Variants in PDE1C observed in about 807,000 individuals in gnomAD.
PDE1C encodes the protein dual specificity calcium/calmodulin-dependent 3',5'-cyclic nucleotide phosphodiesterase 1C.
PDE1C carries 62 observed loss-of-function variants against 93.1 expected under a neutral mutation model. The ratio of observed to expected loss-of-function variants is 0.67; its 90% CI spans 0.54 to 0.82. The LOEUF (loss-of-function observed/expected upper bound fraction) is 0.82. PDE1C is among the 40% of genes least tolerant of loss of function. The probability of loss-of-function intolerance (pLI) is 0.00; values close to 1 mark genes in which losing one functional copy is unlikely to be tolerated. For missense variants in PDE1C, 742 were observed against 884.6 expected, an observed-to-expected ratio of 0.84 and a Z score of 2.04; for synonymous variants, 325 against 310.1, an observed-to-expected ratio of 1.05 and a Z score of -0.50.
chr7:32,299,205 T>C (rs889816704), exon 1 of PDE1C: 1 of 990,560 alleles, frequency 1.0e-6, no homozygotes, highest in African/African-American at 1.7e-5. Context: ...TGAATTGGCG[T>C]CGTGCGTCTT....
At chr7:32,409,536 G>A (rs1397590630) in intron 1 of PDE1C, among the ~76,000 whole-genome samples, 1 of 151,966 alleles carries the variant, frequency 6.6e-6, no homozygotes, top group Non-Finnish European at 1.5e-5. Flanking sequence ...GAATGCAACA[G>A]AACATTAAAG....
intron 16 of PDE1C, among the ~76,000 whole-genome samples, chr7:31,794,069 C>T (rs13230508): frequency 0.014 from 1,907 of 133,252 alleles, 19 homozygotes; most frequent in South Asian, 0.022. Flanking sequence ...GACAGACAGA[C>T]AGACAGACAG....
chr7:31,642,160 C>T, the PDE1C span: 2 of 1,547,954 alleles, frequency 1.3e-6, no homozygotes, highest in Non-Finnish European at 1.7e-6. Context: ...ACCTCAAGAC[C>T]TCTTTCATTC....
intron 1 of PDE1C, among the ~76,000 whole-genome samples, chr7:32,339,292 A>T (rs866361058): frequency 2.0e-5 from 3 of 152,326 alleles, no homozygotes; most frequent in Middle Eastern, 3.4e-3. Flanking sequence ...TTATACGATG[A>T]GCCTAGAGTA....
intron 17 of PDE1C, among the ~76,000 whole-genome samples, chr7:31,760,759 T>TACACACACACAC (rs10573498): frequency 3.8e-4 from 56 of 148,690 alleles, no homozygotes; most frequent in East Asian, 2.6e-3. Flanking sequence ...CTGCAATGTG[T>TACACACACACAC]ACACACACAC....
chr7:32,293,031 C>T (rs1407765278), intron 1 of PDE1C, among the ~76,000 whole-genome samples: 6 of 152,164 alleles, frequency 3.9e-5, no homozygotes, highest in Admixed American at 3.3e-4. Context: ...AGCCACAAAC[C>T]CTGGGGATCA....
the PDE1C span, among the ~76,000 whole-genome samples, chr7:31,638,452 C>G: frequency 1.3e-5 from 2 of 152,134 alleles, no homozygotes; most frequent in Non-Finnish European, 2.9e-5. Flanking sequence ...TTTATAATAA[C>G]AGGTGTTTAT....
intron 2 of PDE1C, among the ~76,000 whole-genome samples, chr7:31,910,862 A>G (rs1356952149): frequency 6.6e-6 from 1 of 152,218 alleles, no homozygotes; most frequent in Non-Finnish European, 1.5e-5. Context: ...CCACGTAAAC[A>G]CCAGAAGAGT....
At chr7:31,675,597 G>T in the PDE1C span, among the ~76,000 whole-genome samples, 4 of 152,054 alleles carry the variant, frequency 2.6e-5, no homozygotes, top group African/African-American at 9.6e-5. Context: ...ACACACAACT[G>T]CAAACATCAC....
the PDE1C span, among the ~76,000 whole-genome samples, chr7:31,679,270 T>C: frequency 6.6e-6 from 1 of 152,182 alleles, no homozygotes; most frequent in African/African-American, 2.4e-5. Flanking sequence ...GACCTTCTCA[T>C]TGGCAAAAGG....
chr7:31,691,263 G>A, the PDE1C span, among the ~76,000 whole-genome samples: 1 of 152,228 alleles, frequency 6.6e-6, no homozygotes, highest in Admixed American at 6.5e-5. Context: ...GAGAAAACCG[G>A]TTTATTCCTC....
intron 2 of PDE1C, among the ~76,000 whole-genome samples, chr7:31,998,503 T>A (rs1584389419): frequency 6.6e-6 from 1 of 152,190 alleles, no homozygotes; most frequent in East Asian, 1.9e-4. Flanking sequence ...GAATGATCAT[T>A]GTCAACTATA....
At chr7:31,894,265 C>T (rs1798995954) in intron 2 of PDE1C, among the ~76,000 whole-genome samples, 1 of 152,168 alleles carries the variant, frequency 6.6e-6, no homozygotes, top group Admixed American at 6.5e-5. Flanking sequence ...TTCTTTTCTC[C>T]ATACCAGGTG....
At chr7:31,837,800 G>T in intron 10 of PDE1C, 70 bp downstream of exon 10, 2 of 936,894 alleles carry the variant, frequency 2.1e-6, no homozygotes, top group Non-Finnish European at 3.5e-6. Flanking sequence ...TCTTTAAAGG[G>T]ATAGCCACAT....
intron 1 of PDE1C, among the ~76,000 whole-genome samples, chr7:32,251,498 G>A (rs747065975): frequency 9.2e-5 from 14 of 151,914 alleles, no homozygotes; most frequent in Non-Finnish European, 1.5e-4. Flanking sequence ...GCCTGTCTGC[G>A]CCTTTCCAGC....
At chr7:31,775,498 A>G (rs747549668) in intron 17 of PDE1C, among the ~76,000 whole-genome samples, 166 bp downstream of exon 17, 2 of 152,152 alleles carry the variant, frequency 1.3e-5, no homozygotes, top group East Asian at 1.9e-4. Context: ...GTCCATTCCT[A>G]GAGGGGCCTC....
At chr7:31,643,271 T>A in the PDE1C span, 3 of 1,613,748 alleles carry the variant, frequency 1.9e-6, no homozygotes, top group Non-Finnish European at 2.5e-6. Context: ...CACAGCTTAC[T>A]CGTACCAGAA....
At chr7:32,379,881 C>T (rs1328022582) in intron 1 of PDE1C, among the ~76,000 whole-genome samples, 1 of 152,158 alleles carries the variant, frequency 6.6e-6, no homozygotes, top group Non-Finnish European at 1.5e-5. Flanking sequence ...TGCTTCTTTC[C>T]CTGGGAAACA....
At chr7:31,707,276 C>T in the PDE1C span, 2 of 1,613,268 alleles carry the variant, frequency 1.2e-6, no homozygotes, top group Non-Finnish European at 1.7e-6. Flanking sequence ...GACAAGATAG[C>T]TATTTAAAGA....
Sources: allele counts gnomAD v4.1 joint callset (sites outside exome capture counted in the v4.1 genomes callset), GRCh38; gene constraint gnomAD v4.1.1; transcripts MANE v1.5; gene names NCBI Gene and HGNC (gene_info 2026-07-23, HGNC 2026-07-21).